The following CNBD1 variants were observed in gnomAD, a reference collection of about 807,000 sequenced individuals.
CNBD1 encodes the protein cyclic nucleotide binding domain containing 1, also known as cyclic nucleotide-binding domain-containing protein 1.
In CNBD1, 71 loss-of-function variants were observed where a neutral mutation model predicts 54.4. The observed-to-expected ratio is 1.30, with a 90% CI of 1.08 to 1.59. The LOEUF (loss-of-function observed/expected upper bound fraction) is 1.59, where lower values mean the gene tolerates loss of function less well. Among genes scored for constraint, CNBD1 ranks in the 40% most tolerant of loss-of-function variants. CNBD1 has a pLI of 0.00. For synonymous variants in CNBD1, 182 were observed against 170.7 expected (o/e 1.07, Z -0.51); for missense variants, 659 against 518.0 (o/e 1.27, Z -2.64).
chr8:87,373,994 G>T (rs1229337758), intron 10 of CNBD1, among the ~76,000 whole-genome samples: 2 of 151,830 alleles, frequency 1.3e-5, no homozygotes, highest in African/African-American at 4.8e-5. Flanking sequence ...CAGTGTTACA[G>T]CTACTGGTAA....
chr8:87,277,023 A>G (rs948201322), intron 6 of CNBD1, among the ~76,000 whole-genome samples: 16 of 151,622 alleles, frequency 1.1e-4, no homozygotes, highest in Non-Finnish European at 2.1e-4. Flanking sequence ...TAACTATTCA[A>G]TAGTTCCTTC....
intron 10 of CNBD1, among the ~76,000 whole-genome samples, chr8:87,358,136 C>T (rs1002322002): frequency 1.3e-5 from 2 of 152,146 alleles, no homozygotes; most frequent in South Asian, 4.1e-4. Flanking sequence ...GCAGAACTAT[C>T]AGTCAAATAA....
At chr8:87,389,439 C>A (rs1811262743) in intron 2 of CNBD1, among the ~76,000 whole-genome samples, 1 of 152,148 alleles carries the variant, frequency 6.6e-6, no homozygotes, top group Admixed American at 6.5e-5. Flanking sequence ...AAATCACAAG[C>A]ATTCTTATAC....
At chr8:87,145,529 ACT>A (rs1300287556) in intron 4 of CNBD1, among the ~76,000 whole-genome samples, 8 of 152,296 alleles carry the variant, frequency 5.3e-5, no homozygotes, top group African/African-American at 1.9e-4. Flanking sequence ...TAAATAAAAT[ACT>A]GTTTGTATAA....
At chr8:87,199,706 G>T in intron 4 of CNBD1, among the ~76,000 whole-genome samples, 1 of 152,094 alleles carries the variant, frequency 6.6e-6, no homozygotes, top group East Asian at 1.9e-4. Context: ...CTCCTCACAA[G>T]ATTCCCCTCA....
chr8:87,402,243 G>T lies in CNBD1; in HGVS notation c.214-26303G>T, dbSNP rs561114375. Among the ~76,000 whole-genome samples, 4 of 151,932 alleles carry T rather than the reference G, an allele frequency of 2.6e-5. No individual in the cohort carries two copies. In the East Asian group the frequency reaches 5.9e-4, roughly 22 times the overall value. ...CTCCATGATTCAATTACCTCCCACC[G>T]GGTCCCTCCCAAAACATGTGGAGAT... On this transcript the variant is annotated intron_variant, in intron 2 of 7. Transcript: ENST00000521593.
intron 5 of CNBD1, among the ~76,000 whole-genome samples, chr8:87,226,661 C>G (rs138362258): frequency 0.058 from 8,821 of 151,492 alleles, 272 homozygotes; most frequent in South Asian, 0.073. Flanking sequence ...TTACTTCCAA[C>G]TATGTGGTCA....
At chr8:87,145,816 G>A (rs550948828) in intron 4 of CNBD1, among the ~76,000 whole-genome samples, 21 of 152,202 alleles carry the variant, frequency 1.4e-4, no homozygotes, top group African/African-American at 5.1e-4. Flanking sequence ...CCCTATTTCA[G>A]TTCATGGTGT....
At chr8:87,326,778 T>G (rs1809677805) in intron 8 of CNBD1, among the ~76,000 whole-genome samples, 1 of 111,400 alleles carries the variant, frequency 9.0e-6, no homozygotes, top group South Asian at 3.0e-4. Flanking sequence ...AGTAATTTGA[T>G]CATCTGAAGC....
At chr8:87,058,452 C>T (rs1014593837) in intron 4 of CNBD1, among the ~76,000 whole-genome samples, 1 of 152,204 alleles carries the variant, frequency 6.6e-6, no homozygotes, top group East Asian at 1.9e-4. Flanking sequence ...CCTTTCTGCA[C>T]TGCCCCAGCA....
chr8:87,137,367 T>A (rs929404002), intron 4 of CNBD1, among the ~76,000 whole-genome samples: 2 of 151,116 alleles, frequency 1.3e-5, no homozygotes, highest in Non-Finnish European at 2.9e-5. Context: ...AGGCTAATAT[T>A]TTTGAATTTT....
intron 4 of CNBD1, among the ~76,000 whole-genome samples, chr8:87,111,964 A>C (rs2130705197): frequency 6.6e-6 from 1 of 152,312 alleles, no homozygotes; most frequent in East Asian, 1.9e-4. Context: ...GAGCACGTAC[A>C]ACTACAGAGT....
At chr8:87,183,017 G>A (rs1019153354) in intron 4 of CNBD1, among the ~76,000 whole-genome samples, 1 of 152,032 alleles carries the variant, frequency 6.6e-6, no homozygotes, top group Admixed American at 6.6e-5. Flanking sequence ...TTTTTCTAGG[G>A]TTCTTACAAT....
intron 6 of CNBD1, among the ~76,000 whole-genome samples, chr8:87,238,093 T>A (rs902783164): frequency 3.3e-5 from 5 of 151,900 alleles, no homozygotes; most frequent in Non-Finnish European, 7.4e-5. Flanking sequence ...TTCAAACTCA[T>A]GTATTAAATG....
intron 4 of CNBD1, among the ~76,000 whole-genome samples, chr8:86,986,237 G>T (rs1315970215): frequency 1.3e-5 from 2 of 152,080 alleles, no homozygotes; most frequent in Non-Finnish European, 1.5e-5. Flanking sequence ...CCTCACTGTG[G>T]TTTTGATTTG....
intron 6 of CNBD1, among the ~76,000 whole-genome samples, chr8:87,246,963 C>T (rs10216522): frequency 0.62 from 94,692 of 151,800 alleles, 29,866 homozygotes; most frequent in Middle Eastern, 0.69. Context: ...CATCTGGGGG[C>T]AACTGGAGAC....
chr8:87,391,806 C>A (rs1811315494), intron 2 of CNBD1, among the ~76,000 whole-genome samples: 1 of 151,894 alleles, frequency 6.6e-6, no homozygotes, highest in African/African-American at 2.4e-5. Context: ...GACACAAAAG[C>A]CCAACCAAAA....
chr8:87,035,288 T>C (rs73281215), intron 4 of CNBD1, among the ~76,000 whole-genome samples: 4,586 of 152,274 alleles, frequency 0.03, 240 homozygotes, highest in African/African-American at 0.1. Flanking sequence ...AAATATTGAA[T>C]ATTGGATACA....
intron 2 of CNBD1, among the ~76,000 whole-genome samples, chr8:86,894,919 G>A (rs1352038865): frequency 6.6e-6 from 1 of 152,140 alleles, no homozygotes; most frequent in Non-Finnish European, 1.5e-5. Context: ...AAGTCAAAGG[G>A]CATGAGACTC....
Sources: gnomAD v4.1 joint callset for allele counts (sites outside exome capture counted in the v4.1 genomes callset) on GRCh38, gnomAD v4.1.1 for gene constraint, MANE v1.5 for transcripts, NCBI Gene and HGNC (gene_info 2026-07-23, HGNC 2026-07-21) for gene names.